ROBO2: variants seen among roughly 807,000 people sequenced by gnomAD.
The protein encoded by ROBO2 is roundabout guidance receptor 2, also known as roundabout homolog 2.
Under a neutral mutation model 160.8 loss-of-function variants are expected in ROBO2, and 53 were observed. The observed-to-expected ratio is 0.33, with a 90% CI of 0.26 to 0.41. ROBO2 has a LOEUF of 0.41. Ranked by LOEUF, ROBO2 falls within the 10% of genes least tolerant of loss-of-function variation. ROBO2 has a pLI of 1.00. For synonymous variants in ROBO2, 664 were observed against 611.7 expected (o/e 1.09, Z -1.26); for missense variants, 1,577 against 1,722.4 (o/e 0.92, Z 1.49).
chr3:76,773,663 A>C (rs1208598338), intron 2 of ROBO2, among the ~76,000 whole-genome samples: 1 of 150,742 alleles, frequency 6.6e-6, no homozygotes, highest in African/African-American at 2.4e-5. Context: ...ATATCTAATA[A>C]AACATACCTT....
intron 2 of ROBO2, among the ~76,000 whole-genome samples, chr3:77,251,784 ACTCT>A (rs1324064349): frequency 6.6e-6 from 1 of 151,670 alleles, no homozygotes; most frequent in African/African-American, 2.4e-5. Context: ...CTTTCACTTG[ACTCT>A]CTGTCTGTCT....
At chr3:76,452,506 A>G (rs970719466) in intron 2 of ROBO2, among the ~76,000 whole-genome samples, 1 of 152,208 alleles carries the variant, frequency 6.6e-6, no homozygotes, top group Admixed American at 6.5e-5. Context: ...ACATGAACTC[A>G]TCATTTTATA....
At chr3:77,169,308 T>A (rs960940943) in intron 2 of ROBO2, among the ~76,000 whole-genome samples, 1 of 152,234 alleles carries the variant, frequency 6.6e-6, no homozygotes, top group Admixed American at 6.5e-5. Flanking sequence ...TTATCTTAGA[T>A]ACCTATGATT....
intron 2 of ROBO2, among the ~76,000 whole-genome samples, chr3:76,367,685 GA>G (rs71101888): frequency 1.3e-5 from 2 of 151,376 alleles, no homozygotes; most frequent in Non-Finnish European, 2.9e-5. Flanking sequence ...ATTTCCATGA[GA>G]AAAAAAATGC....
At chr3:77,204,515 T>G (rs2083229222) in intron 2 of ROBO2, among the ~76,000 whole-genome samples, 1 of 152,210 alleles carries the variant, frequency 6.6e-6, no homozygotes, top group African/African-American at 2.4e-5. Context: ...CATGTTTTTT[T>G]GTTAGGCTTT....
chr3:77,315,414 A>G (rs776876552), intron 2 of ROBO2, among the ~76,000 whole-genome samples: 9 of 152,316 alleles, frequency 5.9e-5, no homozygotes, highest in East Asian at 1.9e-4. Flanking sequence ...TACTTAATCA[A>G]ATTTTACAGC....
At chr3:77,374,658 T>A (rs901370493) in intron 2 of ROBO2, among the ~76,000 whole-genome samples, 2 of 152,176 alleles carry the variant, frequency 1.3e-5, no homozygotes, top group African/African-American at 4.8e-5. Flanking sequence ...TAAGTGCTAT[T>A]TTCTGATGCT....
chr3:77,236,218 G>T (rs2087949000), intron 2 of ROBO2, among the ~76,000 whole-genome samples: 1 of 152,214 alleles, frequency 6.6e-6, no homozygotes, highest in Non-Finnish European at 1.5e-5. Flanking sequence ...CTGGCTGAAA[G>T]AGCTAAGCTA....
chr3:77,175,207 T>G (rs567536358), intron 2 of ROBO2, among the ~76,000 whole-genome samples: 1 of 152,226 alleles, frequency 6.6e-6, no homozygotes, highest in Non-Finnish European at 1.5e-5. Context: ...TTGTACCTGG[T>G]TGGCTCCAGG....
intron 2 of ROBO2, among the ~76,000 whole-genome samples, chr3:76,680,696 G>T (rs1024005741): frequency 1.3e-5 from 2 of 151,888 alleles, no homozygotes; most frequent in African/African-American, 4.8e-5. Flanking sequence ...TAGAAATATT[G>T]TTGTCAAATA....
At chr3:77,425,756 T>C (rs1252261508) in intron 2 of ROBO2, among the ~76,000 whole-genome samples, 2 of 151,498 alleles carry the variant, frequency 1.3e-5, no homozygotes, top group African/African-American at 4.9e-5. Context: ...CCTCCACTCC[T>C]GGGTTCACGC....
chr3:77,480,164 C>G (rs534579337), intron 3 of ROBO2, among the ~76,000 whole-genome samples: 1 of 152,180 alleles, frequency 6.6e-6, no homozygotes, highest in East Asian at 1.9e-4. Context: ...CTTGAAACAT[C>G]TCTGATAAGA....
chr3:76,675,979 C>T (rs2092397383), intron 2 of ROBO2, among the ~76,000 whole-genome samples: 1 of 152,034 alleles, frequency 6.6e-6, no homozygotes, highest in Admixed American at 6.6e-5. Flanking sequence ...GTGCCCTTGC[C>T]ATTAAGTGGA....
At chr3:76,308,343 C>T (rs1328187347) in intron 2 of ROBO2, among the ~76,000 whole-genome samples, 1 of 141,292 alleles carries the variant, frequency 7.1e-6, no homozygotes, top group Admixed American at 7.5e-5. Flanking sequence ...CACCACTGCC[C>T]TCCAGCCTGG....
At chr3:75,978,937 C>G (rs775595919) in intron 2 of ROBO2, among the ~76,000 whole-genome samples, 1 of 151,338 alleles carries the variant, frequency 6.6e-6, no homozygotes, top group Non-Finnish European at 1.5e-5. Context: ...TCCTCTCCCT[C>G]CACCATGAGA....
chr3:75,985,705 C>T (rs532575163), intron 2 of ROBO2, among the ~76,000 whole-genome samples: 2 of 151,614 alleles, frequency 1.3e-5, no homozygotes, highest in Admixed American at 6.6e-5. Flanking sequence ...CTGAAGCTGT[C>T]GACCCATTAA....
At chr3:77,311,401 T>A (rs944738967) in intron 2 of ROBO2, among the ~76,000 whole-genome samples, 3 of 152,244 alleles carry the variant, frequency 2.0e-5, no homozygotes, top group Non-Finnish European at 2.9e-5. Flanking sequence ...TTTTAGAAGA[T>A]TTAGTCAATT....
chr3:77,321,787 G>C (rs1289648008), intron 2 of ROBO2, among the ~76,000 whole-genome samples: 1 of 152,108 alleles, frequency 6.6e-6, no homozygotes, highest in African/African-American at 2.4e-5. Flanking sequence ...CAAGTGAACC[G>C]AGAACTGTGC....
At chr3:76,434,932 C>A (rs2076601563) in intron 2 of ROBO2, 4 of 1,600,708 alleles carry the variant, frequency 2.5e-6, no homozygotes, top group Admixed American at 1.7e-5. Flanking sequence ...AGCCCATCCC[C>A]CAAACCAGCC....
Sources: gnomAD v4.1 joint callset for allele counts (sites outside exome capture counted in the v4.1 genomes callset) on GRCh38, gnomAD v4.1.1 for gene constraint, MANE v1.5 for transcripts, NCBI Gene and HGNC (gene_info 2026-07-23, HGNC 2026-07-21) for gene names.